BBS12: variants seen among roughly 807,000 people sequenced by gnomAD.
The protein encoded by BBS12 is Bardet-Biedl syndrome 12, also known as chaperonin-containing T-complex member BBS12.
A neutral mutation model predicts 5.6 loss-of-function variants in BBS12; 5 were observed. The observed-to-expected ratio is 0.89, with a 90% CI of 0.46 to 1.86. The LOEUF (loss-of-function observed/expected upper bound fraction) is 1.86. BBS12 is among the 40% of genes most tolerant of loss of function. The pLI, the probability that BBS12 is intolerant of heterozygous loss-of-function variation, is 0.01. For synonymous variants in BBS12, 308 were observed against 306.8 expected (o/e 1.00, Z -0.04); for missense variants, 748 against 830.4 (o/e 0.90, Z 1.22).
At chr4:122,733,859 C>CTTTTTTTTTTTTTTT (rs35729794) in intron 1 of BBS12, 2 of 97,154 alleles carry the variant, frequency 2.1e-5, no homozygotes, top group African/African-American at 3.9e-5. Context: ...TAACTTTAGT[C>CTTTTTTTTTTTTTTT]TTTTTTTTTT....
chr4:122,706,890 G>A, the BBS12 span, among the ~76,000 whole-genome samples: 1 of 152,090 alleles, frequency 6.6e-6, no homozygotes, highest in South Asian at 2.1e-4. Context: ...AGAGCTCAGA[G>A]ATTAAACTTT....
the BBS12 span, among the ~76,000 whole-genome samples, chr4:122,716,929 CT>C: frequency 6.6e-6 from 1 of 152,076 alleles, no homozygotes; most frequent in African/African-American, 2.4e-5. Context: ...TAACTTTAGT[CT>C]TTCTTTAAAC....
chr4:122,709,064 C>CGT, the BBS12 span, among the ~76,000 whole-genome samples: 15 of 150,958 alleles, frequency 9.9e-5, no homozygotes, highest in Middle Eastern at 3.5e-3. Context: ...TCTGTGTAGA[C>CGT]GTGTGTGTGT....
At chr4:122,705,344 T>C in the BBS12 span, among the ~76,000 whole-genome samples, 1 of 152,162 alleles carries the variant, frequency 6.6e-6, no homozygotes, top group African/African-American at 2.4e-5. Context: ...CGGTGGCTCA[T>C]GCGTGTAATC....
the BBS12 span, among the ~76,000 whole-genome samples, chr4:122,725,684 G>A: frequency 1.3e-5 from 2 of 152,024 alleles, no homozygotes; most frequent in Non-Finnish European, 2.9e-5. Context: ...GGATCATGAG[G>A]TCAAGAGATT....
At chr4:122,731,521 T>C (rs1800696537), upstream of BBS12, 1 of 152,222 alleles carries the variant, frequency 6.6e-6, no homozygotes, top group Non-Finnish European at 1.5e-5. Context: ...TTATTGCTAG[T>C]ATTTCTTTGA....
At chr4:122,707,679 G>A in the BBS12 span, among the ~76,000 whole-genome samples, 1 of 152,190 alleles carries the variant, frequency 6.6e-6, no homozygotes, top group African/African-American at 2.4e-5. Flanking sequence ...CCCTAGCCAG[G>A]CCAGTTGCAC....
At position 122,743,641 on chromosome 4, in the gene BBS12, C is replaced by G. The variant is rs1284876635; in HGVS notation, c.1749C>G (p.Tyr583Ter). 6.2e-7 allele frequency: 1 copy of G among 1,614,020 alleles called. No individual in the cohort carries two copies. Among genetic ancestry groups the G allele is most frequent in the Non-Finnish European group, 8.5e-7 (1 of 1,180,006 alleles). The change falls in exon 2 of 2, where the codon TAC becomes TAG. Residue 583 changes from tyrosine to a stop codon, truncating the protein, a stop_gained. Transcript: ENST00000314218. LOFTEE classifies it low-confidence loss of function (END_TRUNC). ...SSWLASSLAIYRPTVLKFLAN... is the reference protein window; with the variant it reads ...SSWLASSLAI The stretch of plus-strand genomic sequence containing the variant: ...GGCTGGCTTCATCTCTGGCAATATA[C>G]AGACCAACTGTGCTTAAATTCCTGG...
rs1800889212 is a variant in BBS12 at position 122,742,293 on chromosome 4, T to C, written c.401T>C (p.Val134Ala). ...GAGGTAGTTTCTCTTCATGTACCTG[T>C]TCACAATATATTTGACTGTATGGAC... ...SEEVVSLHVP[V>A]HNIFDCMDST... Residue 134 changes from valine to alanine, a missense_variant, in exon 2 of 2, where the codon GTT (valine) becomes GCT (alanine). Transcript: ENST00000314218. 6.2e-7 allele frequency: 1 copy of C among 1,613,960 alleles called. No homozygotes were observed. Among genetic ancestry groups the C allele is most frequent in the East Asian group, 2.2e-5 (1 of 44,876 alleles).
Position 122,744,846 on chromosome 4 carries a change from A to C in BBS12, c.*821A>C, listed in dbSNP as rs551616331. ...TTGACTCAATCAACTCTAAGTTCCA[A>C]GGGAGGACCAATAGGTCTTTTTATT... On this transcript the variant is annotated 3_prime_UTR_variant, in exon 2 of 2. Transcript: ENST00000314218. 28 of 167,120 alleles carry C rather than the reference A, an allele frequency of 1.7e-4. No individual in the cohort carries two copies. The highest frequency in any genetic ancestry group is 2.5e-4 in the Non-Finnish European group (17 of 68,138). The allele number at this position is 167,120 out of a possible 1,614,324, so 10.4% of individuals were successfully genotyped here. A position where few individuals can be genotyped will look rare whatever the true frequency, so the allele number is the denominator to read the frequency against.
At chr4:122,722,948 C>T in the BBS12 span, among the ~76,000 whole-genome samples, 2 of 152,130 alleles carry the variant, frequency 1.3e-5, no homozygotes, top group African/African-American at 2.4e-5. Flanking sequence ...TACAGTTTAA[C>T]TGATGTTTAT....
chr4:122,743,200 A>T lies in BBS12; in HGVS notation c.1308A>T (p.Ser436=). The T allele has an allele frequency of 1.2e-6, 2 of 1,614,212 alleles. No homozygotes were observed. Among genetic ancestry groups the T allele is most frequent in the Non-Finnish European group, 1.7e-6 (2 of 1,180,032 alleles). The change falls in exon 2 of 2, where the codon TCA becomes TCT. Residue 436 remains serine (S), a synonymous_variant. Transcript: ENST00000314218. ...CINSKRLVIG[S]VNGSVMQAFA... is the part of the protein sequence containing the mutation. ...ACAGTAAGCGGTTGGTAATCGGCTC[A>T]GTGAATGGCAGTGTGATGCAGGCTT...
At chr4:122,721,086 G>T in the BBS12 span, among the ~76,000 whole-genome samples, 1 of 152,074 alleles carries the variant, frequency 6.6e-6, no homozygotes, top group Non-Finnish European at 1.5e-5. Flanking sequence ...CCACTTAGAA[G>T]TCTATACACA....
At chr4:122,707,442 A>T in the BBS12 span, among the ~76,000 whole-genome samples, 2 of 152,176 alleles carry the variant, frequency 1.3e-5, no homozygotes, top group Non-Finnish European at 2.9e-5. Context: ...ATGAATATAG[A>T]TCTATATATC....
chr4:122,739,573 GC>G (rs1383044418), intron 1 of BBS12, among the ~76,000 whole-genome samples: 1 of 152,228 alleles, frequency 6.6e-6, no homozygotes, highest in East Asian at 1.9e-4. Context: ...AAGTTGAAGA[GC>G]AGGAATTCTC....
intron 1 of BBS12, among the ~76,000 whole-genome samples, chr4:122,735,931 A>C (rs1800778230): frequency 6.6e-6 from 1 of 152,222 alleles, no homozygotes; most frequent in Admixed American, 6.5e-5. Flanking sequence ...TATTCTATAG[A>C]GTGCTCAGGG....
At chr4:122,721,301 G>A in the BBS12 span, among the ~76,000 whole-genome samples, 5 of 152,288 alleles carry the variant, frequency 3.3e-5, no homozygotes, top group East Asian at 9.6e-4. Flanking sequence ...ATACCTTGTA[G>A]GGATTTGAAT....
At chr4:122,711,193 A>G in the BBS12 span, among the ~76,000 whole-genome samples, 1 of 152,170 alleles carries the variant, frequency 6.6e-6, no homozygotes, top group Non-Finnish European at 1.5e-5. Context: ...CATGAGGAGG[A>G]ATCACTTTAG....
At chr4:122,707,399 C>T in the BBS12 span, among the ~76,000 whole-genome samples, 1 of 152,008 alleles carries the variant, frequency 6.6e-6, no homozygotes, top group Non-Finnish European at 1.5e-5. Context: ...TTGAGATTTT[C>T]CAGCCTTCCT....
Sources: allele counts gnomAD v4.1 joint callset (sites outside exome capture counted in the v4.1 genomes callset), GRCh38; gene constraint gnomAD v4.1.1; transcripts MANE v1.5; gene names NCBI Gene and HGNC (gene_info 2026-07-23, HGNC 2026-07-21).